MAN2C1: variants seen among roughly 807,000 people sequenced by gnomAD.
The protein encoded by MAN2C1 is mannosidase alpha class 2C member 1.
MAN2C1 carries 111 observed loss-of-function variants against 126.9 expected under a neutral mutation model. That is an observed-to-expected ratio of 0.87 (90% CI 0.75 to 1.02). MAN2C1 has a LOEUF of 1.02. Among genes scored for constraint, MAN2C1 ranks in the 50% least tolerant of loss-of-function variants. MAN2C1 has a pLI of 0.00. For missense variants in MAN2C1, 1,363 were observed against 1,364.4 expected (o/e 1.00, Z 0.02); for synonymous variants, 567 against 561.5 (o/e 1.01, Z -0.14).
rs1320765784 is a variant in MAN2C1 at position 75,366,528 on chromosome 15, G to T, written c.416C>A (p.Pro139His). ...VLTDRLGERD[P>H]RSLTLYVEVA... Reference sequence around the variant, plus strand: ...CCAGGGCACAGGGACTCACCTTCGGGGGTCTCTTTCCCCCAGCCTGTCAGT... The same window carrying T: ...CCAGGGCACAGGGACTCACCTTCGGTGGTCTCTTTCCCCCAGCCTGTCAGT... Residue 139 changes from proline to histidine, a missense_variant, in exon 4 of 26, where the codon CCC becomes CAC. By Grantham distance (77) the Pro-to-His change is moderately conservative. Around this residue, in one of 3 missense-constraint regions of MAN2C1, gnomAD observed 628 missense variants for 609.8 expected, o/e 1.03. Coordinates refer to ENST00000267978, the MANE Select transcript of MAN2C1 (RefSeq NM_006715.4). 1 of 1,613,450 alleles carries T rather than the reference G, an allele frequency of 6.2e-7. No homozygotes were observed. Among genetic ancestry groups the T allele is most frequent in the Admixed American group, 1.7e-5 (1 of 59,974 alleles).
chr15:75,356,833 A>T lies in MAN2C1; in HGVS notation c.2617T>A (p.Tyr873Asn), dbSNP rs2072327352. 1 of 1,613,960 alleles carries T rather than the reference A, an allele frequency of 6.2e-7. No homozygotes were observed. Among genetic ancestry groups the T allele is most frequent in the South Asian group, 1.1e-5 (1 of 91,094 alleles). The stretch of plus-strand genomic sequence containing the variant: ...ATGCTGCCTCGCACTGACGCGCCAT[A>T]CTTGCAGTCGTTGAGCAGGGCCAGC... ...FGLALLNDCKYGASVRGSILS... is the reference protein window; with the variant it reads ...FGLALLNDCKNGASVRGSILS... Residue 873 changes from tyrosine (Y) to asparagine (N), a missense_variant, in exon 22 of 26, where the codon TAT becomes AAT. Physicochemically the swap from Tyr to Asn is moderately radical, Grantham distance 143. Transcript: ENST00000267978. The surrounding 1 kb of genome is among the most constrained non-coding windows in gnomAD (Gnocchi z 5.8).
chr15:75,360,381 C>T, intron 13 of MAN2C1, 170 bp from the exon 14 acceptor site: 1 of 1,295,084 alleles, frequency 7.7e-7, no homozygotes, highest in Non-Finnish European at 1.0e-6. Flanking sequence ...GCAGCCCAAA[C>T]CCTTCTTTCT....
At chr15:75,360,276 C>G (rs1033203963) in intron 13 of MAN2C1, 65 bp from the exon 14 acceptor site, 3 of 1,585,134 alleles carry the variant, frequency 1.9e-6, no homozygotes, top group Non-Finnish European at 1.7e-6. Context: ...CTTCCAAAGC[C>G]CTCCCTTGCT....
chr15:75,358,854 G>C, intron 18 of MAN2C1, 46 bp from the exon 19 acceptor site: 2 of 1,510,396 alleles, frequency 1.3e-6, no homozygotes, highest in Non-Finnish European at 1.8e-6. Flanking sequence ...TGACCTCGCT[G>C]TCTCCAGCTG....
At position 75,355,919 on chromosome 15, in the gene MAN2C1, G is replaced by C; in HGVS notation, c.3110C>G (p.Pro1037Arg). 1 of 1,614,202 alleles carries C rather than the reference G, an allele frequency of 6.2e-7. No homozygotes were observed. Among genetic ancestry groups the C allele is most frequent in the Non-Finnish European group, 8.5e-7 (1 of 1,180,040 alleles). The change falls in exon 26 of 26, where the codon CCT (proline) becomes CGT (arginine). Residue 1037 changes from proline to arginine, a missense_variant. Coordinates refer to ENST00000267978, the MANE Select transcript of MAN2C1 (RefSeq NM_006715.4). ...AGCCCCAGGGACTCAGTGTGGCGGA[G>C]GCTGAAGCACGAGCAACAGGGACAG... ...QVLSLLLVLQ[P>R]PPH
chr15:75,364,167 G>T lies in MAN2C1; in HGVS notation c.622C>A (p.Arg208Ser). 1 of 1,611,078 alleles carries T rather than the reference G, an allele frequency of 6.2e-7. No individual in the cohort carries two copies. The highest frequency in any genetic ancestry group is 8.5e-7 in the Non-Finnish European group (1 of 1,179,046). Residue 208 changes from arginine (R) to serine (S), a missense_variant, in exon 6 of 26, where the codon CGC becomes AGC. Physicochemically the swap from Arg to Ser is moderately radical, Grantham distance 110. Around this residue, in one of 3 missense-constraint regions of MAN2C1, gnomAD observed 628 missense variants for 609.8 expected, o/e 1.03. Transcript: ENST00000267978. ...IAKGLGKDNQ[R>S]SFQALYTANQ... is the part of the protein sequence containing the mutation. Reference sequence around the variant, plus strand: ...GCTGTGTACAGGGCCTGGAAGCTGCGCTGGTTGTCCTTCCCGAGGCCCTGC... The same window carrying T: ...GCTGTGTACAGGGCCTGGAAGCTGCTCTGGTTGTCCTTCCCGAGGCCCTGC...
Position 75,364,133 on chromosome 15 carries a change from A to G in MAN2C1, c.656T>C (p.Met219Thr). 1 of 1,614,118 alleles carries G rather than the reference A, an allele frequency of 6.2e-7. No homozygotes were observed. Among genetic ancestry groups the G allele is most frequent in the Non-Finnish European group, 8.5e-7 (1 of 1,179,996 alleles). Residue 219 changes from methionine to threonine, a missense_variant, in exon 6 of 26, where the codon ATG (methionine) becomes ACG (threonine). Around this residue, in one of 3 missense-constraint regions of MAN2C1, gnomAD observed 628 missense variants for 609.8 expected, o/e 1.03. Coordinates refer to ENST00000267978, the MANE Select transcript of MAN2C1 (RefSeq NM_006715.4). ...SFQALYTANQ[M>T]VNVCDPAQPE... ...CTGGGCAGGGTCACACACGTTCACCATCTGATTGGCTGTGTACAGGGCCTG... is the reference window on the plus strand; with the variant it reads ...CTGGGCAGGGTCACACACGTTCACCGTCTGATTGGCTGTGTACAGGGCCTG...
Position 75,359,414 on chromosome 15 carries a change from C to T in MAN2C1, c.1960G>A (p.Val654Met), listed in dbSNP as rs1266668669. 2.5e-6 allele frequency: 4 copies of T among 1,610,918 alleles called. No homozygotes were observed. The highest frequency in any genetic ancestry group is 3.4e-6 in the Non-Finnish European group (4 of 1,179,478). Residue 654 changes from valine to methionine, a missense_variant, in exon 17 of 26, where the codon GTG becomes ATG. By Grantham distance (21) the Val-to-Met change is conservative (BLOSUM62 1). This residue lies in a region of MAN2C1 where 668 missense variants were observed against 650.1 expected (regional missense o/e 1.03). Coordinates refer to ENST00000267978, the MANE Select transcript of MAN2C1 (RefSeq NM_006715.4). ...GGAHSLALVT[V>M]PSMGYAPVPP... is the part of the protein sequence containing the mutation. ...ACAGGAGCATAGCCCATGCTGGGCACTGTCACCAGGGCTGGGGGTGAGGCC... is the reference window on the plus strand; with the variant it reads ...ACAGGAGCATAGCCCATGCTGGGCATTGTCACCAGGGCTGGGGGTGAGGCC...
Position 75,358,334 on chromosome 15 carries a change from T to C in MAN2C1, c.2414A>G (p.His805Arg), listed in dbSNP as rs576870185. 1.2e-6 allele frequency: 2 copies of C among 1,614,100 alleles called. No homozygotes were observed. Among genetic ancestry groups the C allele is most frequent in the African/African-American group, 2.7e-5 (2 of 75,028 alleles). ...YVRFHTEVHW[H>R]EAHKFLKVEF... ...CACCTTCAGGAACTTGTGGGCCTCA[T>C]GCCAGTGTACCTGGGAGTGGGAAGG... The change falls in exon 21 of 26, where the codon CAT (histidine) becomes CGT (arginine). Residue 805 changes from histidine (H) to arginine (R), a missense_variant. Coordinates refer to ENST00000267978, the MANE Select transcript of MAN2C1 (RefSeq NM_006715.4).
chr15:75,359,576 C>T, intron 16 of MAN2C1, 44 bp downstream of exon 16: 1 of 1,607,268 alleles, frequency 6.2e-7, no homozygotes, highest in East Asian at 2.2e-5. Context: ...TGTCTGGCCT[C>T]CATCCTTCCT....
intron 1 of MAN2C1, 27 bp from the exon 2 acceptor site, chr15:75,368,225 T>C (rs1421659643): frequency 1.3e-6 from 2 of 1,584,654 alleles, no homozygotes; most frequent in Non-Finnish European, 8.5e-7. Flanking sequence ...GGTGGGCACA[T>C]GCTGGAGGCC....
intron 4 of MAN2C1, 126 bp downstream of exon 4, chr15:75,366,396 T>A: frequency 2.7e-6 from 2 of 745,032 alleles, no homozygotes; most frequent in East Asian, 3.0e-5. Flanking sequence ...AAGCAAACAA[T>A]GAGATGTGAG....
At chr15:75,363,865 G>A (rs985271571) in intron 6 of MAN2C1, 134 bp downstream of exon 6, 57 of 976,422 alleles carry the variant, frequency 5.8e-5, no homozygotes, top group Middle Eastern at 4.7e-4. Flanking sequence ...CCCCGGCCCC[G>A]TTTTACAGAC....
chr15:75,368,394 C>T (rs938942059), intron 1 of MAN2C1, 89 bp downstream of exon 1: 6 of 1,443,350 alleles, frequency 4.2e-6, no homozygotes, highest in Non-Finnish European at 5.6e-6. Flanking sequence ...TCCCGCGGCC[C>T]GGGTGGCTGC....
In MAN2C1 at chr15:75,356,371, G is replaced by A; in HGVS notation, c.2816C>T (p.Pro939Leu). Residue 939 changes from proline to leucine, a missense_variant, in exon 24 of 26, where the codon CCA becomes CTA. Physicochemically the swap from Pro to Leu is moderately conservative, Grantham distance 98 (BLOSUM62 -3). Around this residue, in one of 3 missense-constraint regions of MAN2C1, gnomAD observed 668 missense variants for 650.1 expected, o/e 1.03. Transcript: ENST00000267978. This position sits in a 1 kb window ranked among gnomAD's most constrained non-coding sequence, Gnocchi z 5.8. The part of the protein sequence containing the change: ...FPLLALPAPS[P>L]APATSWSAFS... ...CGCACTCCAGGAGGTGGCGGGCGCT[G>A]GGCTGGGGGCTGGCAGAGCCAACAG... The A allele has an allele frequency of 2.5e-6, 4 of 1,611,726 alleles. No homozygotes were observed. Among genetic ancestry groups the A allele is most frequent in the Non-Finnish European group, 3.4e-6 (4 of 1,179,222 alleles).
chr15:75,367,589 TG>T lies in MAN2C1; in HGVS notation c.272del (p.Ala91AspfsTer29). On this transcript the variant is annotated frameshift_variant, in exon 3 of 26. Transcript: ENST00000267978. LOFTEE classifies it high-confidence loss of function. Reference sequence around the variant, plus strand: ...AAAGGTGAACTTCCTGGCCCACCCATGCCTCTGGGATGGTCAGCTCCACCCG... The same window carrying T: ...AAAGGTGAACTTCCTGGCCCACCCATCCTCTGGGATGGTCAGCTCCACCCG... ...WFRVELTIPE[A>X]WVGQEVHLCW... 1 of 1,614,200 alleles carries T rather than the reference TG, an allele frequency of 6.2e-7. No homozygotes were observed. Among genetic ancestry groups the T allele is most frequent in the Non-Finnish European group, 8.5e-7 (1 of 1,180,030 alleles).
rs748666463 is a variant in MAN2C1 at position 75,359,396 on chromosome 15, C to A, written c.1978G>T (p.Ala660Ser). Residue 660 changes from alanine to serine, a missense_variant, in exon 17 of 26, where the codon GCT becomes TCT. Ala to Ser is a moderately conservative substitution (Grantham distance 99). Coordinates refer to ENST00000267978, the MANE Select transcript of MAN2C1 (RefSeq NM_006715.4). ...ALVTVPSMGY[A>S]PVPPPTSLQP... Reference sequence around the variant, plus strand: ...AGTGAGGTGGGGGGAGGAACAGGAGCATAGCCCATGCTGGGCACTGTCACC... The same window carrying A: ...AGTGAGGTGGGGGGAGGAACAGGAGAATAGCCCATGCTGGGCACTGTCACC... 6.2e-7 allele frequency: 1 copy of A among 1,610,212 alleles called. No individual in the cohort carries two copies. Among genetic ancestry groups the A allele is most frequent in the Admixed American group, 1.7e-5 (1 of 59,766 alleles).
chr15:75,365,123 A>G (rs972841683), intron 4 of MAN2C1, among the ~76,000 whole-genome samples: 2 of 152,158 alleles, frequency 1.3e-5, no homozygotes, highest in Non-Finnish European at 2.9e-5. Flanking sequence ...AGCAAACACG[A>G]CTTCCTTAGG....
chr15:75,359,526 C>A, intron 16 of MAN2C1, 94 bp downstream of exon 16: 1 of 1,569,272 alleles, frequency 6.4e-7, no homozygotes, highest in South Asian at 1.1e-5. Flanking sequence ...ACTCTCCAGT[C>A]AGGGGCACCC....
Sources: allele counts gnomAD v4.1 joint callset (sites outside exome capture counted in the v4.1 genomes callset), GRCh38; gene constraint gnomAD v4.1.1; regional missense constraint gnomAD v4.1.1; non-coding constraint Gnocchi (gnomAD v3.1); transcripts MANE v1.5; gene names NCBI Gene and HGNC (gene_info 2026-07-23, HGNC 2026-07-21).